Variants in SSBP3 observed in about 807,000 individuals in gnomAD.
SSBP3 encodes the protein single stranded DNA binding protein 3, also known as single-stranded DNA-binding protein 3.
SSBP3 carries 5 observed loss-of-function variants against 69.6 expected under a neutral mutation model. That is an observed-to-expected ratio of 0.07 (90% CI 0.04 to 0.15). SSBP3 has a LOEUF of 0.15. SSBP3 is among the 10% of genes least tolerant of loss of function. SSBP3 has a pLI of 1.00. For synonymous variants in SSBP3, 196 were observed against 193.4 expected (o/e 1.01, Z -0.11); for missense variants, 312 against 534.0 (o/e 0.58, Z 4.10).
At chr1:54,230,760 T>C (rs989062537) in intron 14 of SSBP3, among the ~76,000 whole-genome samples, 1 of 152,218 alleles carries the variant, frequency 6.6e-6, no homozygotes, top group African/African-American at 2.4e-5. Context: ...GTCATATACA[T>C]AGAATCACGT....
chr1:54,381,293 C>G (rs111455728), intron 4 of SSBP3, among the ~76,000 whole-genome samples: 17,132 of 140,690 alleles, frequency 0.12, 1,129 homozygotes, highest in East Asian at 0.3. Flanking sequence ...TGAGGCAAGA[C>G]AATCACTTAA....
intron 5 of SSBP3, among the ~76,000 whole-genome samples, chr1:54,263,492 C>A (rs74426715): frequency 0.097 from 14,750 of 152,236 alleles, 1,038 homozygotes; most frequent in Non-Finnish European, 0.16. Context: ...GGCTGTGGCA[C>A]AGCTGGCAGT....
At chr1:54,329,520 GCAA>G (rs891758079) in intron 4 of SSBP3, among the ~76,000 whole-genome samples, 4 of 152,256 alleles carry the variant, frequency 2.6e-5, no homozygotes, top group Admixed American at 6.5e-5. Flanking sequence ...GCTGGGGCTT[GCAA>G]CAACAAGAGG....
At chr1:54,374,678 C>T (rs1420209401) in intron 4 of SSBP3, among the ~76,000 whole-genome samples, 1 of 152,126 alleles carries the variant, frequency 6.6e-6, no homozygotes, top group Non-Finnish European at 1.5e-5. Flanking sequence ...CATCCCCCAC[C>T]CCACCTGGCA....
intron 4 of SSBP3, among the ~76,000 whole-genome samples, chr1:54,304,346 C>T (rs113047583): frequency 1.9e-3 from 284 of 151,716 alleles, no homozygotes; most frequent in South Asian, 8.3e-3. Context: ...TAGTGTCCTT[C>T]CAGAACATGA....
chr1:54,236,739 T>G (rs1292198618), intron 14 of SSBP3: 2 of 152,226 alleles, frequency 1.3e-5, no homozygotes, highest in Non-Finnish European at 2.9e-5. Flanking sequence ...TGTGGAAACG[T>G]GTCTGAGGCA....
At chr1:54,397,543 C>G (rs1250676807) in intron 4 of SSBP3, among the ~76,000 whole-genome samples, 1 of 152,092 alleles carries the variant, frequency 6.6e-6, no homozygotes, top group African/African-American at 2.4e-5. Flanking sequence ...GGTGGGAGAG[C>G]AGAGTCTTGC....
At chr1:54,229,040 C>T (rs1644336587) in intron 14 of SSBP3, among the ~76,000 whole-genome samples, 1 of 152,222 alleles carries the variant, frequency 6.6e-6, no homozygotes, top group Admixed American at 6.5e-5. Context: ...ATTCCAATGA[C>T]CCAGGTGAGG....
chr1:54,317,493 C>T (rs1189446618), intron 4 of SSBP3, among the ~76,000 whole-genome samples: 3 of 151,434 alleles, frequency 2.0e-5, no homozygotes, highest in Admixed American at 2.0e-4. Flanking sequence ...GCAGAGGTTG[C>T]ACCACTGCAC....
chr1:54,381,888 C>T lies in SSBP3; in HGVS notation c.276+19973G>A, dbSNP rs1570002173. Among the ~76,000 whole-genome samples, 4 of 152,220 alleles carry T rather than the reference C, an allele frequency of 2.6e-5. No homozygotes were observed. In the South Asian group the frequency reaches 8.3e-4, roughly 31 times the overall value. On this transcript the variant is annotated intron_variant, in intron 4 of 17. Coordinates refer to ENST00000610401, the Ensembl canonical transcript of SSBP3. ...GTCAGCTGGAACCAACAGGATATATCTTATATTTTAAGATGTGCAGTTAGG... is the reference window on the plus strand; with the variant it reads ...GTCAGCTGGAACCAACAGGATATATTTTATATTTTAAGATGTGCAGTTAGG...
intron 4 of SSBP3, among the ~76,000 whole-genome samples, chr1:54,333,982 G>A (rs1186126891): frequency 6.6e-6 from 1 of 152,198 alleles, no homozygotes; most frequent in Non-Finnish European, 1.5e-5. Context: ...CTTGAGCCCA[G>A]GAGTTTGAGG....
chr1:54,230,891 C>T (rs1372458328), intron 14 of SSBP3, among the ~76,000 whole-genome samples: 1 of 152,222 alleles, frequency 6.6e-6, no homozygotes, highest in Non-Finnish European at 1.5e-5. Flanking sequence ...GGATATACCA[C>T]ATTTCATTTA....
intron 15 of SSBP3, 118 bp from the exon 16 acceptor site, chr1:54,228,595 A>G: frequency 6.6e-7 from 1 of 1,507,898 alleles, no homozygotes; most frequent in Non-Finnish European, 9.0e-7. Flanking sequence ...CACTGTGCGG[A>G]GGGCTTTCTG....
intron 6 of SSBP3, 127 bp from the exon 7 acceptor site, chr1:54,257,313 A>G: frequency 1.3e-6 from 1 of 799,014 alleles, no homozygotes; most frequent in Non-Finnish European, 1.9e-6. Context: ...TTCTCCTGCT[A>G]GCCTCTTCCC....
At position 54,380,137 on chromosome 1, in the gene SSBP3, G is replaced by T. The variant is rs528036341; in HGVS notation, c.276+21724C>A. 5.3e-5 allele frequency among the ~76,000 whole-genome samples: 8 copies of T among 152,308 alleles called. No homozygotes were observed. In the South Asian group the frequency reaches 1.7e-3, roughly 32 times the overall value. ...CCTCCCTCTCCTAGGGTCTGGGCTG[G>T]GCGCCCAAGTTGGTGGCGGCCTCGG... On this transcript the variant is annotated intron_variant, in intron 4 of 17. Transcript: ENST00000610401.
chr1:54,308,424 A>G (rs1446844055), intron 4 of SSBP3, among the ~76,000 whole-genome samples: 1 of 151,950 alleles, frequency 6.6e-6, no homozygotes, highest in African/African-American at 2.4e-5. Context: ...ACATGGTGAA[A>G]CCCCGTCTCT....
At chr1:54,347,435 A>G (rs1646707843) in intron 4 of SSBP3, among the ~76,000 whole-genome samples, 1 of 151,034 alleles carries the variant, frequency 6.6e-6, no homozygotes. Flanking sequence ...TACTAGCCTC[A>G]AACAATCCTC....
chr1:54,227,327 T>C (rs72908095), intron 17 of SSBP3, among the ~76,000 whole-genome samples, 167 bp from the exon 18 acceptor site: 2,000 of 152,114 alleles, frequency 0.013, 45 homozygotes, highest in African/African-American at 0.046. Flanking sequence ...AGGGGGCCGG[T>C]AGGGCAGGAT....
intron 9 of SSBP3, among the ~76,000 whole-genome samples, chr1:54,251,265 C>T (rs1239060717): frequency 6.6e-6 from 1 of 152,202 alleles, no homozygotes; most frequent in East Asian, 1.9e-4. Context: ...GTCTACCTCA[C>T]CCAGGGGAGG....
Sources: allele counts gnomAD v4.1 joint callset (sites outside exome capture counted in the v4.1 genomes callset), GRCh38; gene constraint gnomAD v4.1.1; transcripts MANE v1.5; gene names NCBI Gene and HGNC (gene_info 2026-07-23, HGNC 2026-07-21).